Variants in SHROOM2 observed in about 807,000 individuals in gnomAD.
The protein encoded by SHROOM2 is shroom family member 2.
Under a neutral mutation model 75.9 loss-of-function variants are expected in SHROOM2, and 33 were observed. The observed-to-expected ratio is 0.43, with a 90% CI of 0.33 to 0.58. The LOEUF (loss-of-function observed/expected upper bound fraction) is 0.58, where lower values mean the gene tolerates loss of function less well. SHROOM2 is among the 20% of genes least tolerant of loss of function. The pLI, the probability that SHROOM2 is intolerant of heterozygous loss-of-function variation, is 0.04. For missense variants in SHROOM2, 1,434 were observed against 1,461.2 expected, an observed-to-expected ratio of 0.98 and a Z score of 0.30; for synonymous variants, 655 against 663.6, an observed-to-expected ratio of 0.99 and a Z score of 0.20.
Position 9,793,233 on chromosome X carries a change from G to A in SHROOM2, c.165+6523G>A, listed in dbSNP as rs754878221. The stretch of plus-strand genomic sequence containing the variant: ...ATGATGGCTTATATTGTATATTGCT[G>A]CAACTTTTGTTTATTAGCTTGTTCT... On this transcript the variant is annotated intron_variant, in intron 1 of 9. Coordinates refer to ENST00000380913, the MANE Select transcript of SHROOM2 (RefSeq NM_001649.4). Among the ~76,000 whole-genome samples, 4 of 110,632 alleles carry A rather than the reference G, an allele frequency of 3.6e-5. No individual in the cohort carries two copies. The South Asian group carries it at 1.5e-3, about 42-fold the overall frequency.
intron 8 of SHROOM2, 75 bp from the exon 9 acceptor site, chrX:9,944,566 A>G: frequency 4.7e-6 from 5 of 1,060,574 alleles, no homozygotes; most frequent in Non-Finnish European, 6.3e-6. Context: ...CCAAGGTGGC[A>G]GTGAGCAGTG....
chrX:9,817,207 A>G (rs931578723), intron 1 of SHROOM2, among the ~76,000 whole-genome samples: 9 of 109,711 alleles, frequency 8.2e-5, no homozygotes, highest in Admixed American at 7.8e-4. Context: ...CCCTGACCTC[A>G]AGTGATCCAC....
chrX:9,886,318 C>T lies in SHROOM2; in HGVS notation c.318-4659C>T, dbSNP rs73194196. On this transcript the variant is annotated intron_variant, in intron 2 of 9. Coordinates refer to ENST00000380913, the MANE Select transcript of SHROOM2 (RefSeq NM_001649.4). ...GACGCCCCTGTTCGGACTGTCCTAT[C>T]TTCCTCTTTCCCTGGCCTGCATTTT... Among the ~76,000 whole-genome samples the T allele has an allele frequency of 6.8e-3, 762 of 112,450 alleles. 5 individuals carry two copies. The highest frequency in any genetic ancestry group is 9.9e-3 in the Non-Finnish European group (528 of 53,185).
intron 6 of SHROOM2, among the ~76,000 whole-genome samples, chrX:9,933,300 T>G (rs1374334809): frequency 9.0e-6 from 1 of 111,373 alleles, no homozygotes; most frequent in Non-Finnish European, 1.9e-5. Context: ...GTCCAGTATT[T>G]TCTTACTCCT....
chrX:9,816,069 T>A (rs1569140084), intron 1 of SHROOM2, among the ~76,000 whole-genome samples: 1 of 112,603 alleles, frequency 8.9e-6, no homozygotes, highest in South Asian at 3.7e-4. Flanking sequence ...GTCTGGTTTA[T>A]CTCAGTATAA....
rs1196918414 is a variant in SHROOM2 at position 9,895,768 on chromosome X, C to T, written c.1860C>T (p.Thr620=). 1 of 1,201,797 alleles carries T rather than the reference C, an allele frequency of 8.3e-7. No individual in the cohort carries two copies. The highest frequency in any genetic ancestry group is 1.1e-6 in the Non-Finnish European group (1 of 890,610). ...PPFDAHVGKP[T]RRSDRFATTL... The stretch of plus-strand genomic sequence containing the variant: ...TCGACGCCCACGTGGGCAAGCCCAC[C>T]CGAAGAAGCGACCGCTTTGCCACCA... Residue 620 remains threonine, a synonymous_variant, in exon 4 of 10, where the codon ACC becomes ACT. Transcript: ENST00000380913.
chrX:9,792,058 AT>A (rs1283447340), intron 1 of SHROOM2, among the ~76,000 whole-genome samples: 545 of 21,072 alleles, frequency 0.026, 35 homozygotes, highest in African/African-American at 0.049. Flanking sequence ...ATAGAATAGA[AT>A]AGAATAGAAT....
intron 5 of SHROOM2, among the ~76,000 whole-genome samples, chrX:9,926,133 C>G (rs975688200): frequency 8.9e-6 from 1 of 111,786 alleles, no homozygotes; most frequent in Non-Finnish European, 1.9e-5. Context: ...CTGCTGCTAG[C>G]TCACCGCCAT....
At chrX:9,926,282 C>T (rs1419240571) in intron 5 of SHROOM2, among the ~76,000 whole-genome samples, 1 of 111,987 alleles carries the variant, frequency 8.9e-6, no homozygotes, top group Non-Finnish European at 1.9e-5. Context: ...AAGTCACAGG[C>T]AGCTAGCACA....
chrX:9,924,532 T>G (rs1168072370), intron 5 of SHROOM2, among the ~76,000 whole-genome samples: 1 of 111,252 alleles, frequency 9.0e-6, no homozygotes, highest in Admixed American at 9.5e-5. Flanking sequence ...GTTTTTCAAT[T>G]TTTTGTAGAG....
At chrX:9,812,550 A>G (rs1042289910) in intron 1 of SHROOM2, among the ~76,000 whole-genome samples, 32 of 111,991 alleles carry the variant, frequency 2.9e-4, no homozygotes, top group Admixed American at 2.9e-4. Flanking sequence ...TAGAAATTTT[A>G]CTGAGGTAGA....
At chrX:9,823,056 CCTCCTCCTCCT>C (rs1259962314) in intron 1 of SHROOM2, among the ~76,000 whole-genome samples, 1 of 87,385 alleles carries the variant, frequency 1.1e-5, no homozygotes, top group Admixed American at 1.2e-4. Context: ...TCCTCCTCCT[CCTCCTCCTCCT>C]CCTCCTCCCT....
At position 9,889,881 on chromosome X, in the gene SHROOM2, G is replaced by A. The variant is rs753954397; in HGVS notation, c.318-1096G>A. Among the ~76,000 whole-genome samples, 4 of 112,272 alleles carry A rather than the reference G, an allele frequency of 3.6e-5. No individual in the cohort carries two copies. In the South Asian group the frequency reaches 1.5e-3, roughly 42 times the overall value. ...TGTCTGAACTGTGTGTGACCCAGCC[G>A]CCTGAGGGACCCATATACCTTTTCT... On this transcript the variant is annotated intron_variant, in intron 2 of 9. Coordinates refer to ENST00000380913, the MANE Select transcript of SHROOM2 (RefSeq NM_001649.4).
intron 1 of SHROOM2, among the ~76,000 whole-genome samples, chrX:9,809,058 C>T (rs1003396576): frequency 4.6e-5 from 5 of 108,610 alleles, no homozygotes; most frequent in African/African-American, 1.7e-4. Context: ...CCTCCCTTCC[C>T]CCAAATCCCA....
At chrX:9,900,494 C>A (rs779001481) in intron 5 of SHROOM2, among the ~76,000 whole-genome samples, 64 of 112,042 alleles carry the variant, frequency 5.7e-4, no homozygotes, top group Non-Finnish European at 1.0e-3. Context: ...CTCTGATAAT[C>A]GATGCGTAGC....
chrX:9,811,830 G>A (rs1434427323), intron 1 of SHROOM2, among the ~76,000 whole-genome samples: 1 of 112,081 alleles, frequency 8.9e-6, no homozygotes. Flanking sequence ...AACTCCCCAT[G>A]AGACTATTGG....
chrX:9,921,690 A>G (rs1247532375), intron 5 of SHROOM2, among the ~76,000 whole-genome samples: 2 of 112,117 alleles, frequency 1.8e-5, no homozygotes, highest in South Asian at 3.7e-4. Context: ...CGTAAGTGGG[A>G]CCATGTAGCA....
chrX:9,811,944 G>A (rs984872113), intron 1 of SHROOM2, among the ~76,000 whole-genome samples: 3 of 111,120 alleles, frequency 2.7e-5, no homozygotes, highest in Non-Finnish European at 5.7e-5. Flanking sequence ...GCTTGAGCCC[G>A]ATCACGTATA....
intron 1 of SHROOM2, among the ~76,000 whole-genome samples, chrX:9,792,156 G>GAATA: frequency 8.5e-5 from 1 of 11,772 alleles, no homozygotes; most frequent in South Asian, 1.5e-3. Flanking sequence ...GAATAGAATA[G>GAATA]AATAATCACC....
Sources: allele counts gnomAD v4.1 joint callset (sites outside exome capture counted in the v4.1 genomes callset), GRCh38; gene constraint gnomAD v4.1.1; transcripts MANE v1.5; gene names NCBI Gene and HGNC (gene_info 2026-07-23, HGNC 2026-07-21).